Variants in RPTOR observed in about 807,000 individuals in gnomAD.
RPTOR encodes the protein regulatory associated protein of MTOR complex 1, also known as regulatory-associated protein of mTOR.
RPTOR carries 21 observed loss-of-function variants against 169.9 expected under a neutral mutation model. The ratio of observed to expected loss-of-function variants is 0.12; its 90% CI spans 0.09 to 0.18. The LOEUF is 0.18. Ranked by LOEUF, RPTOR falls within the 10% of genes least tolerant of loss-of-function variation. The pLI is 1.00. For synonymous variants in RPTOR, 732 were observed against 753.2 expected (o/e 0.97, Z 0.46); for missense variants, 1,133 against 1,855.9 (o/e 0.61, Z 7.16).
At chr17:80,607,012 C>G (rs1156596373) in intron 1 of RPTOR, among the ~76,000 whole-genome samples, 1 of 152,208 alleles carries the variant, frequency 6.6e-6, no homozygotes. Context: ...ATTACAGATG[C>G]AGCACATGAA....
intron 9 of RPTOR, among the ~76,000 whole-genome samples, chr17:80,836,271 CCTT>C (rs1357682287): frequency 6.6e-6 from 1 of 152,260 alleles, no homozygotes; most frequent in Non-Finnish European, 1.5e-5. Flanking sequence ...TTCCCTCTCT[CCTT>C]CTCGAAAGTC....
chr17:80,686,912 A>G (rs2065952195), intron 3 of RPTOR, among the ~76,000 whole-genome samples: 1 of 152,232 alleles, frequency 6.6e-6, no homozygotes, highest in Non-Finnish European at 1.5e-5. Flanking sequence ...AGCAGATGCC[A>G]TGCGAGTTAA....
chr17:80,900,085 C>A (rs2068456136), intron 20 of RPTOR, among the ~76,000 whole-genome samples: 1 of 152,200 alleles, frequency 6.6e-6, no homozygotes, highest in Non-Finnish European at 1.5e-5. Context: ...CCCCTCCCTG[C>A]AGAAGTGGGC....
chr17:80,906,651 G>A (rs770266139), intron 20 of RPTOR, among the ~76,000 whole-genome samples: 31 of 152,202 alleles, frequency 2.0e-4, no homozygotes, highest in Non-Finnish European at 3.8e-4. Flanking sequence ...CTGTAAACTC[G>A]CCCTGTGAGG....
In RPTOR at chr17:80,844,536, A is replaced by G. The variant is rs1214347629; in HGVS notation, c.1213-1937A>G. 6.6e-6 allele frequency among the ~76,000 whole-genome samples: 1 copy of G among 152,216 alleles called. No individual in the cohort carries two copies. Among genetic ancestry groups the G allele is most frequent in the Non-Finnish European group, 1.5e-5 (1 of 68,042 alleles). On this transcript the variant is annotated intron_variant, in intron 10 of 33. Transcript: ENST00000306801. The surrounding 1 kb of genome is among the most constrained non-coding windows in gnomAD (Gnocchi z 4.7). ...ATTTTTTTTTAACCAATTTATGAAT[A>G]ATTCACACTTGAAAACAGGAAAATC...
At chr17:80,722,217 A>G (rs922487329) in intron 4 of RPTOR, among the ~76,000 whole-genome samples, 1 of 151,090 alleles carries the variant, frequency 6.6e-6, no homozygotes, top group African/African-American at 2.5e-5. Flanking sequence ...TGGAAGAGGA[A>G]ATGATAAGTT....
chr17:80,779,660 TG>T, intron 6 of RPTOR, among the ~76,000 whole-genome samples: 1 of 152,136 alleles, frequency 6.6e-6, no homozygotes, highest in East Asian at 1.9e-4. Flanking sequence ...GGCGCATGTC[TG>T]GAGGCTGCTG....
rs142842577 is a variant in RPTOR, at chr17:80,822,657, T to A, written c.991+356T>A. ...AAGACTTGTTTGTATTTTTTATTGA[T>A]TGGTTGATTTGGGGTGTTTGTTCAC... is the stretch of plus-strand genomic sequence containing the variant. On this transcript the variant is annotated intron_variant, in intron 8 of 33. Coordinates refer to ENST00000306801, the MANE Select transcript of RPTOR (RefSeq NM_020761.3). 2.2e-3 allele frequency among the ~76,000 whole-genome samples: 329 copies of A among 152,254 alleles called. 1 individual carries two copies. Among genetic ancestry groups the A allele is most frequent in the African/African-American group, 7.8e-3 (322 of 41,542 alleles).
At chr17:80,865,586 C>T (rs766401563) in intron 13 of RPTOR, among the ~76,000 whole-genome samples, 50 of 152,116 alleles carry the variant, frequency 3.3e-4, no homozygotes, top group Non-Finnish European at 6.0e-4. Context: ...GAAGTCCATT[C>T]ATCATTCATC....
At chr17:80,946,564 G>A (rs549043411) in intron 26 of RPTOR, among the ~76,000 whole-genome samples, 108 of 152,370 alleles carry the variant, frequency 7.1e-4, no homozygotes, top group African/African-American at 2.3e-3. Flanking sequence ...TCATACCAGT[G>A]GAGTCACCCG....
In RPTOR at chr17:80,646,614, A is replaced by G. The variant is rs2065598118; in HGVS notation, c.348+2804A>G. On this transcript the variant is annotated intron_variant, in intron 3 of 33. Transcript: ENST00000306801. The surrounding 1 kb of genome is among the most constrained non-coding windows in gnomAD (Gnocchi z 5.0). ...GGGTCCTTTGAAACATTGCAAGGCT[A>G]AACACGCACCACTTGATTGCACTCT... is the stretch of plus-strand genomic sequence containing the variant. Among the ~76,000 whole-genome samples the G allele has an allele frequency of 6.6e-6, 1 of 152,190 alleles. No individual in the cohort carries two copies. The highest frequency in any genetic ancestry group is 6.5e-5 in the Admixed American group (1 of 15,284).
chr17:80,958,302 A>G (rs1332510050), intron 29 of RPTOR, among the ~76,000 whole-genome samples: 1 of 150,862 alleles, frequency 6.6e-6, no homozygotes, highest in Non-Finnish European at 1.5e-5. Flanking sequence ...TATTTGCCCA[A>G]GCTGGTCTCG....
chr17:80,789,541 C>A (rs1327399324), intron 6 of RPTOR, among the ~76,000 whole-genome samples: 1 of 152,160 alleles, frequency 6.6e-6, no homozygotes, highest in Non-Finnish European at 1.5e-5. Context: ...ATCCTGTGTG[C>A]GTGCCCTTCA....
chr17:80,793,202 G>A (rs549377232), intron 7 of RPTOR, among the ~76,000 whole-genome samples: 1 of 152,202 alleles, frequency 6.6e-6, no homozygotes, highest in South Asian at 2.1e-4. Context: ...TCGGATTAGT[G>A]ATAAATCCAA....
intron 1 of RPTOR, among the ~76,000 whole-genome samples, chr17:80,613,159 T>C (rs1361852856): frequency 1.3e-5 from 2 of 152,114 alleles, no homozygotes; most frequent in Admixed American, 1.3e-4. Context: ...ACCTGGCCAC[T>C]TTCCTGCCTC....
intron 5 of RPTOR, among the ~76,000 whole-genome samples, chr17:80,735,273 C>A (rs2066424895): frequency 6.6e-6 from 1 of 151,620 alleles, no homozygotes; most frequent in South Asian, 2.1e-4. Context: ...AATTTTCACT[C>A]TTCCAGTGGT....
intron 13 of RPTOR, among the ~76,000 whole-genome samples, chr17:80,863,448 T>C (rs1326034642): frequency 2.0e-5 from 3 of 152,198 alleles, no homozygotes; most frequent in African/African-American, 7.2e-5. Flanking sequence ...GTGTTATCAT[T>C]AGCAGGCCAG....
chr17:80,569,385 C>T (rs574505811), intron 1 of RPTOR, among the ~76,000 whole-genome samples: 4 of 152,014 alleles, frequency 2.6e-5, no homozygotes, highest in African/African-American at 9.7e-5. Context: ...CTAGGCCGGG[C>T]GTGGTGGCTC....
Position 80,844,913 on chromosome 17 carries a change from C to CT in RPTOR, c.1213-1560_1213-1559insT, listed in dbSNP as rs2067710275. ...TCCACTGCGGCCACCCACCTTCCCC[C>CT]CGAGCAAAATCAAACAACGTAGGGA... On this transcript the variant is annotated intron_variant, in intron 10 of 33. Transcript: ENST00000306801. This position sits in a 1 kb window ranked among gnomAD's most constrained non-coding sequence, Gnocchi z 4.7. Among the ~76,000 whole-genome samples the CT allele has an allele frequency of 6.6e-6, 1 of 152,146 alleles. No individual in the cohort carries two copies. The highest frequency in any genetic ancestry group is 1.5e-5 in the Non-Finnish European group (1 of 68,024).
Sources: allele counts gnomAD v4.1 joint callset (sites outside exome capture counted in the v4.1 genomes callset), GRCh38; gene constraint gnomAD v4.1.1; non-coding constraint Gnocchi (gnomAD v3.1); transcripts MANE v1.5; gene names NCBI Gene and HGNC (gene_info 2026-07-23, HGNC 2026-07-21).